The following PRDM12 variants were observed in gnomAD, a reference collection of about 807,000 sequenced individuals.
PRDM12 encodes the protein PR domain zinc finger protein 12.
Under a neutral mutation model 29.6 loss-of-function variants are expected in PRDM12, and 17 were observed. The observed-to-expected ratio is 0.57, with a 90% CI of 0.39 to 0.86. PRDM12 has a LOEUF of 0.86. PRDM12 is among the 40% of genes least tolerant of loss of function. The pLI is 0.00. For synonymous variants in PRDM12, 231 were observed against 225.8 expected, an observed-to-expected ratio of 1.02 and a Z score of -0.21; for missense variants, 422 against 510.8, an observed-to-expected ratio of 0.83 and a Z score of 1.68.
chr9:130,680,653 ATATATATTT>A (rs1830889072), intron 4 of PRDM12, among the ~76,000 whole-genome samples: 1 of 80,832 alleles, frequency 1.2e-5, no homozygotes, highest in Admixed American at 1.3e-4. Context: ...ATATATATAT[ATATATATTT>A]TTTTTTTTTT....
At chr9:130,676,993 C>A (rs1293034864) in intron 3 of PRDM12, among the ~76,000 whole-genome samples, 1 of 152,142 alleles carries the variant, frequency 6.6e-6, no homozygotes, top group African/African-American at 2.4e-5. Flanking sequence ...GTGGTGCAAT[C>A]TCGGCTTACT....
In PRDM12 at chr9:130,681,303, C is replaced by T. The variant is rs1475621117; in HGVS notation, c.738C>T (p.Val246=). Residue 246 remains valine, a synonymous_variant, in exon 5 of 5, where the codon GTC becomes GTT. Transcript: ENST00000253008. This position sits in a 1 kb window ranked among gnomAD's most constrained non-coding sequence, Gnocchi z 8.1. ...GCCCCGCGGGCCGCATGCGATGCGTCATCTGCCACCGCGGCTTCAACTCGC... is the reference window on the plus strand; with the variant it reads ...GCCCCGCGGGCCGCATGCGATGCGTTATCTGCCACCGCGGCTTCAACTCGC... ...AAGPAGRMRC[V]ICHRGFNSRS... is the part of the protein sequence containing the mutation. The T allele has an allele frequency of 1.4e-5, 21 of 1,529,188 alleles. No individual in the cohort carries two copies. Among genetic ancestry groups the T allele is most frequent in the Non-Finnish European group, 1.8e-5 (20 of 1,132,672 alleles). 94.7% of individuals were successfully genotyped at this position (1,529,188 alleles called of 1,614,324 possible).
chr9:130,670,181 C>T (rs1425599067), intron 3 of PRDM12, among the ~76,000 whole-genome samples: 1 of 152,102 alleles, frequency 6.6e-6, no homozygotes, highest in Non-Finnish European at 1.5e-5. Context: ...TTCTCTGCTC[C>T]CCTTGGGGTT....
intron 2 of PRDM12, among the ~76,000 whole-genome samples, chr9:130,667,527 T>C (rs1463502385): frequency 1.1e-5 from 1 of 90,714 alleles, no homozygotes; most frequent in African/African-American, 3.9e-5. Flanking sequence ...GCTCCCCCAC[T>C]CCAGCTCCCC....
chr9:130,669,015 A>G (rs746305878), intron 3 of PRDM12, among the ~76,000 whole-genome samples: 2 of 152,162 alleles, frequency 1.3e-5, no homozygotes, highest in African/African-American at 2.4e-5. Context: ...GGAGACAGAC[A>G]GGGCCAGGTA....
chr9:130,674,131 C>T (rs1008174239), intron 3 of PRDM12, among the ~76,000 whole-genome samples: 11 of 150,668 alleles, frequency 7.3e-5, no homozygotes, highest in Admixed American at 4.0e-4. Flanking sequence ...TCTCCTGCCT[C>T]AGCCTCCCAA....
At chr9:130,678,417 C>G in intron 3 of PRDM12, 112 bp from the exon 4 acceptor site, 1 of 742,862 alleles carries the variant, frequency 1.3e-6, no homozygotes, top group Middle Eastern at 4.0e-4. Context: ...GTGGCTTTCT[C>G]AGGGCTGAGA....
chr9:130,675,806 G>A (rs541348714), intron 3 of PRDM12, among the ~76,000 whole-genome samples: 2 of 152,320 alleles, frequency 1.3e-5, no homozygotes, highest in South Asian at 4.1e-4. Flanking sequence ...TGTGGGGTGT[G>A]TTCAGTGGTC....
rs1313401128 is a variant in PRDM12, at chr9:130,682,920, G to A, written c.*1251G>A. 6.6e-6 allele frequency: 1 copy of A among 152,566 alleles called. No homozygotes were observed. The highest frequency in any genetic ancestry group is 1.5e-5 in the Non-Finnish European group (1 of 68,046). 9.5% of individuals were successfully genotyped at this position (152,566 alleles called of 1,614,324 possible). ...AATATATTATTATTTGATTGTATAT[G>A]TACAACTGTAAATACATTTGTACCT... On this transcript the variant is annotated 3_prime_UTR_variant, in exon 5 of 5. Coordinates refer to ENST00000253008, the MANE Select transcript of PRDM12 (RefSeq NM_021619.3). This position sits in a 1 kb window ranked among gnomAD's most constrained non-coding sequence, Gnocchi z 4.2.
At chr9:130,676,912 C>CT (rs112791889) in intron 3 of PRDM12, among the ~76,000 whole-genome samples, 19,902 of 149,470 alleles carry the variant, frequency 0.13, 1,845 homozygotes, top group African/African-American at 0.26. Context: ...CCTTCTTCTT[C>CT]TTTTTTTTTT....
chr9:130,671,597 C>G (rs1830789977), intron 3 of PRDM12, among the ~76,000 whole-genome samples: 2 of 152,166 alleles, frequency 1.3e-5, no homozygotes. Flanking sequence ...ACCATTTTGT[C>G]ACAATGTCAG....
At chr9:130,673,662 A>AT (rs35312514) in intron 3 of PRDM12, among the ~76,000 whole-genome samples, 1,317 of 86,268 alleles carry the variant, frequency 0.015, 46 homozygotes, top group Middle Eastern at 0.035. Flanking sequence ...CTCACGGCTA[A>AT]TTTTTTTTTT....
In PRDM12 at chr9:130,681,220, C is replaced by CCCCCG. The variant is rs759795008; in HGVS notation, c.683-11_683-7dup. 1,183 of 1,429,534 alleles carry CCCCCG rather than the reference C, an allele frequency of 8.3e-4. 3 individuals carry two copies. Among genetic ancestry groups the CCCCCG allele is most frequent in the East Asian group, 1.1e-3 (42 of 37,772 alleles). 88.6% of individuals were successfully genotyped at this position (1,429,534 alleles called of 1,614,324 possible). On this transcript the variant is annotated intron_variant, in intron 4 of 4. Coordinates refer to ENST00000253008, the MANE Select transcript of PRDM12 (RefSeq NM_021619.3). The surrounding 1 kb of genome is among the most constrained non-coding windows in gnomAD (Gnocchi z 8.1). ...CTCTCTCCCCTTCTCCGTCTCCCTTCCCCCGCCCCGCCCCGCCCCGCGGCC... is the reference window on the plus strand; with the variant it reads ...CTCTCTCCCCTTCTCCGTCTCCCTTCCCCCGCCCCGCCCCGCCCCGCCCCGCGGCC...
At chr9:130,675,896 A>G (rs1218658577) in intron 3 of PRDM12, among the ~76,000 whole-genome samples, 1 of 152,182 alleles carries the variant, frequency 6.6e-6, no homozygotes, top group East Asian at 1.9e-4. Flanking sequence ...ACCAAGGGTC[A>G]GGACAATGTT....
intron 2 of PRDM12, 41 bp downstream of exon 2, chr9:130,666,839 G>T: frequency 1.3e-6 from 2 of 1,547,626 alleles, no homozygotes; most frequent in Non-Finnish European, 1.7e-6. Flanking sequence ...GGGCCGGCGA[G>T]GGGCGCTGGT....
rs968896860 is a variant in PRDM12, at chr9:130,681,587, A to G, written c.1022A>G (p.His341Arg). The G allele has an allele frequency of 3.6e-6, 4 of 1,122,740 alleles. No individual in the cohort carries two copies. In the African/African-American group the frequency reaches 6.7e-5, roughly 19 times the overall value. 69.5% of individuals were successfully genotyped at this position (1,122,740 alleles called of 1,614,324 possible). ...CACTCGCCCGCGCTGCCCGCCCCGCACGCGCACGCGCCCGCGCTCGCCGCC... is the reference window on the plus strand; with the variant it reads ...CACTCGCCCGCGCTGCCCGCCCCGCGCGCGCACGCGCCCGCGCTCGCCGCC... The part of the protein sequence containing the change: ...QAHSPALPAP[H>R]AHAPALAAAA... Residue 341 changes from histidine (H) to arginine (R), a missense_variant, in exon 5 of 5, where the codon CAC becomes CGC. Transcript: ENST00000253008. This position sits in a 1 kb window ranked among gnomAD's most constrained non-coding sequence, Gnocchi z 8.1.
In PRDM12 at chr9:130,664,904, A is replaced by G. The variant is rs1346560886; in HGVS notation, c.223+28A>G. 3 of 1,500,970 alleles carry G rather than the reference A, an allele frequency of 2.0e-6. No homozygotes were observed. Among genetic ancestry groups the G allele is most frequent in the Admixed American group, 4.1e-5 (2 of 48,938 alleles). The allele number at this position is 1,500,970 out of a possible 1,614,324, so 93.0% of individuals were successfully genotyped here. A position where few individuals can be genotyped will look rare whatever the true frequency, so the allele number is the denominator to read the frequency against. On this transcript the variant is annotated intron_variant, in intron 1 of 4. Transcript: ENST00000253008. The surrounding 1 kb of genome is among the most constrained non-coding windows in gnomAD (Gnocchi z 6.4). The stretch of plus-strand genomic sequence containing the variant: ...GAGTCCAGCCGTCGGAGCCCGGCGC[A>G]ATCCCTCCTCCCGGCGACCCCCATT...
chr9:130,669,600 G>C lies in PRDM12; in HGVS notation c.570+1287G>C, dbSNP rs145838013. 9.9e-3 allele frequency among the ~76,000 whole-genome samples: 1,500 copies of C among 150,914 alleles called. 20 individuals are homozygous for C. Among genetic ancestry groups the C allele is most frequent in the African/African-American group, 0.035 (1,441 of 41,136 alleles). On this transcript the variant is annotated intron_variant, in intron 3 of 4. Coordinates refer to ENST00000253008, the MANE Select transcript of PRDM12 (RefSeq NM_021619.3). ...GGAGGCCGAGGTGGGCAGATCACGAGGCCAGGAGATCGAGACCATCCTGGC... is the reference window on the plus strand; with the variant it reads ...GGAGGCCGAGGTGGGCAGATCACGACGCCAGGAGATCGAGACCATCCTGGC...
At chr9:130,677,471 G>A (rs1435200290) in intron 3 of PRDM12, among the ~76,000 whole-genome samples, 1 of 152,236 alleles carries the variant, frequency 6.6e-6, no homozygotes, top group African/African-American at 2.4e-5. Flanking sequence ...AACTAAAAAA[G>A]GACCTGCCAG....
Sources: gnomAD v4.1 joint callset for allele counts (sites outside exome capture counted in the v4.1 genomes callset) on GRCh38, gnomAD v4.1.1 for gene constraint, Gnocchi (gnomAD v3.1) non-coding constraint, MANE v1.5 for transcripts, NCBI Gene and HGNC (gene_info 2026-07-23, HGNC 2026-07-21) for gene names.